The following SMARCB1 variants were observed in gnomAD, a reference collection of about 807,000 sequenced individuals.
SMARCB1 encodes SWI/SNF related BAF chromatin remodeling complex subunit B1.
A neutral mutation model predicts 49.0 loss-of-function variants in SMARCB1; 5 were observed. The observed-to-expected ratio is 0.10, with a 90% CI of 0.05 to 0.21. The LOEUF (loss-of-function observed/expected upper bound fraction) is 0.21. Ranked by LOEUF, SMARCB1 falls within the 10% of genes least tolerant of loss-of-function variation. The pLI is 1.00. For missense variants in SMARCB1, 226 were observed against 509.2 expected (o/e 0.44, Z 5.35); for synonymous variants, 201 against 200.1 (o/e 1.00, Z -0.04).
intron 1 of SMARCB1, among the ~76,000 whole-genome samples, chr22:23,789,593 A>G (rs558913305): frequency 6.6e-6 from 1 of 152,190 alleles, no homozygotes; most frequent in African/African-American, 2.4e-5. Flanking sequence ...CCCAAAACAC[A>G]TTTTAGTTTC....
rs948979653 is a variant in SMARCB1 at position 23,836,080 on chromosome 22, G to A, written c.*1900G>A. The stretch of plus-strand genomic sequence containing the variant: ...CTGCCAGGTCAGAAGAGAAAAATGA[G>A]CCACAGGGGTCGGATAAGGCTCACA... On this transcript the variant is annotated 3_prime_UTR_variant, in exon 9 of 9. Coordinates refer to ENST00000644036, the MANE Select transcript of SMARCB1 (RefSeq NM_003073.5). 3.5e-5 allele frequency: 34 copies of A among 985,480 alleles called. No individual in the cohort carries two copies. The highest frequency in any genetic ancestry group is 3.9e-5 in the Non-Finnish European group (32 of 829,946). The allele number at this position is 985,480 out of a possible 1,614,324, so 61.0% of individuals were successfully genotyped here. A position where few individuals can be genotyped will look rare whatever the true frequency, so the allele number is the denominator to read the frequency against.
chr22:23,835,726 T>C lies in SMARCB1; in HGVS notation c.*1546T>C. On this transcript the variant is annotated 3_prime_UTR_variant, in exon 9 of 9. Transcript: ENST00000644036. ...ATTGCTGAGGTGTTTGTTCTGTCCA[T>C]GAGGTAGGAACCTCGGCAATGAAAG... The C allele has an allele frequency of 1.0e-6, 1 of 985,508 alleles. No individual in the cohort carries two copies. The highest frequency in any genetic ancestry group is 1.2e-6 in the Non-Finnish European group (1 of 829,950). The allele number at this position is 985,508 out of a possible 1,614,324, so 61.0% of individuals were successfully genotyped here. A position where few individuals can be genotyped will look rare whatever the true frequency, so the allele number is the denominator to read the frequency against.
chr22:23,807,036 C>T (rs967169454), intron 5 of SMARCB1, among the ~76,000 whole-genome samples: 20 of 151,792 alleles, frequency 1.3e-4, no homozygotes, highest in African/African-American at 4.8e-4. Context: ...CTCTGAATCA[C>T]TGGTGATGTA....
chr22:23,824,524 G>C (rs574208272), intron 6 of SMARCB1: 1 of 153,658 alleles, frequency 6.5e-6, no homozygotes, highest in African/African-American at 2.4e-5. Flanking sequence ...CCCCAGGGGG[G>C]CAGGTGTAGG....
In SMARCB1 at chr22:23,835,867, C is replaced by G; in HGVS notation, c.*1687C>G. The G allele has an allele frequency of 1.0e-6, 1 of 976,534 alleles. No individual in the cohort carries two copies. The highest frequency in any genetic ancestry group is 1.2e-6 in the Non-Finnish European group (1 of 823,094). The allele number at this position is 976,534 out of a possible 1,614,324, so 60.5% of individuals were successfully genotyped here. Reference sequence around the variant, plus strand: ...AGGTGCCGGGAAGGCTGGGCCCTCACTCCTGACCGCCAGCTCACACCGCCG... The same window carrying G: ...AGGTGCCGGGAAGGCTGGGCCCTCAGTCCTGACCGCCAGCTCACACCGCCG... On this transcript the variant is annotated 3_prime_UTR_variant, in exon 9 of 9. Transcript: ENST00000644036.
intron 1 of SMARCB1, among the ~76,000 whole-genome samples, chr22:23,791,301 C>T (rs1928358344): frequency 6.6e-6 from 1 of 152,268 alleles, no homozygotes; most frequent in East Asian, 1.9e-4. Context: ...TGTTACTAAA[C>T]AAAGCAACAC....
chr22:23,787,366 G>GGCGC (rs55705149), intron 1 of SMARCB1, 104 bp downstream of exon 1: 140 of 483,144 alleles, frequency 2.9e-4, no homozygotes, highest in African/African-American at 1.9e-3. Context: ...GGGGCGGGCG[G>GGCGC]GCGCGCGCGC....
At chr22:23,791,045 C>T (rs1928345499) in intron 1 of SMARCB1, among the ~76,000 whole-genome samples, 1 of 152,158 alleles carries the variant, frequency 6.6e-6, no homozygotes, top group African/African-American at 2.4e-5. Flanking sequence ...CACCTGGCAC[C>T]CAGTCTATTG....
Position 23,822,461 on chromosome 22 carries a change from C to T in SMARCB1, c.796-2764C>T, listed in dbSNP as rs144444747. On this transcript the variant is annotated intron_variant, in intron 6 of 8. Coordinates refer to ENST00000644036, the MANE Select transcript of SMARCB1 (RefSeq NM_003073.5). ...GAGTCCAGCACTCCTCACTACCCCA[C>T]CAAGGCCACTGCCAGATGGCTCCCT... 7.6e-3 allele frequency among the ~76,000 whole-genome samples: 1,159 copies of T among 152,226 alleles called. 10 individuals are homozygous for T. Among genetic ancestry groups the T allele is most frequent in the Non-Finnish European group, 0.011 (752 of 68,020 alleles).
chr22:23,793,390 C>G (rs1293829570), intron 2 of SMARCB1, 169 bp from the exon 3 acceptor site: 1 of 765,438 alleles, frequency 1.3e-6, no homozygotes, highest in Non-Finnish European at 2.4e-6. Context: ...GTAAAGCACT[C>G]AGTCCAGATT....
At chr22:23,788,763 A>G (rs1196122147) in intron 1 of SMARCB1, among the ~76,000 whole-genome samples, 2 of 152,176 alleles carry the variant, frequency 1.3e-5, no homozygotes, top group Non-Finnish European at 2.9e-5. Context: ...TGAGCATAGC[A>G]TGAATGAATG....
chr22:23,800,595 G>A (rs1011322672), intron 3 of SMARCB1, among the ~76,000 whole-genome samples: 1 of 152,132 alleles, frequency 6.6e-6, no homozygotes, highest in Non-Finnish European at 1.5e-5. Flanking sequence ...CCCTGACTCA[G>A]TGTCTAAGGC....
Position 23,835,414 on chromosome 22 carries a change from C to T in SMARCB1, c.*1234C>T. On this transcript the variant is annotated 3_prime_UTR_variant, in exon 9 of 9. Transcript: ENST00000644036. ...GCCAGGGCAGGGCTAGGGTCAGAGG[C>T]TGCTGTGCTCCCTGGAAGTGGGGTA... is the stretch of plus-strand genomic sequence containing the variant. 1.7e-5 allele frequency: 17 copies of T among 987,374 alleles called. No individual in the cohort carries two copies. Among genetic ancestry groups the T allele is most frequent in the Non-Finnish European group, 2.0e-5 (17 of 831,342 alleles). The allele number at this position is 987,374 out of a possible 1,614,324, so 61.2% of individuals were successfully genotyped here.
intron 5 of SMARCB1, among the ~76,000 whole-genome samples, chr22:23,804,895 C>T (rs1262862401): frequency 6.6e-6 from 1 of 152,150 alleles, no homozygotes; most frequent in Non-Finnish European, 1.5e-5. Context: ...TGGGTCAAGG[C>T]GCCTTTGTTT....
chr22:23,837,304 G>C lies in SMARCB1; in HGVS notation c.*3124G>C. 9.4e-7 allele frequency: 1 copy of C among 1,060,074 alleles called. No individual in the cohort carries two copies. The highest frequency in any genetic ancestry group is 1.5e-5 in the South Asian group (1 of 67,870). The allele number at this position is 1,060,074 out of a possible 1,614,324, so 65.7% of individuals were successfully genotyped here. A position where few individuals can be genotyped will look rare whatever the true frequency, so the allele number is the denominator to read the frequency against. On this transcript the variant is annotated 3_prime_UTR_variant, in exon 9 of 9. Transcript: ENST00000644036. The stretch of plus-strand genomic sequence containing the variant: ...AAGCCTTGCACAGAGTGCCAGCCCC[G>C]GGTTGGCCGTGAAGGACAAGCTTAA...
At chr22:23,818,142 GTGTGT>G in intron 6 of SMARCB1, 1 of 4,296 alleles carries the variant, frequency 2.3e-4, no homozygotes, top group African/African-American at 9.3e-4. Flanking sequence ...CTTTGGGTGT[GTGTGT>G]GTGTGTGTGT....
At position 23,834,372 on chromosome 22, in the gene SMARCB1, A is replaced by ACC; in HGVS notation, c.*195_*196dup. On this transcript the variant is annotated 3_prime_UTR_variant, in exon 9 of 9. Transcript: ENST00000644036. ...TTGTTGAGCCCCAGTCCTGCCCCCC[A>ACC]CCCCACCCTCCCTACCCCTCCCCAG... 2.6e-6 allele frequency: 1 copy of ACC among 388,636 alleles called. No individual in the cohort carries two copies. The highest frequency in any genetic ancestry group is 2.5e-5 in the South Asian group (1 of 39,982). The allele number at this position is 388,636 out of a possible 1,614,324, so 24.1% of individuals were successfully genotyped here.
Position 23,837,578 on chromosome 22 carries a change from G to A in SMARCB1, c.*3398G>A. The A allele has an allele frequency of 7.0e-7, 1 of 1,430,304 alleles. No individual in the cohort carries two copies. The highest frequency in any genetic ancestry group is 9.5e-7 in the Non-Finnish European group (1 of 1,048,206). The allele number at this position is 1,430,304 out of a possible 1,614,324, so 88.6% of individuals were successfully genotyped here. ...GTGAGGAGAACTCCAGCAAGGATGGGAGAGGGGCCCCAGGGCATAAGCAGC... is the reference window on the plus strand; with the variant it reads ...GTGAGGAGAACTCCAGCAAGGATGGAAGAGGGGCCCCAGGGCATAAGCAGC... On this transcript the variant is annotated 3_prime_UTR_variant, in exon 9 of 9. Coordinates refer to ENST00000644036, the MANE Select transcript of SMARCB1 (RefSeq NM_003073.5).
intron 2 of SMARCB1, chr22:23,792,312 A>T (rs1202994185): frequency 2.9e-6 from 1 of 350,508 alleles, no homozygotes; most frequent in East Asian, 7.5e-5. Context: ...CCTGGAGCAC[A>T]TCCATCCCAT....
Sources: gnomAD v4.1 joint callset for allele counts (sites outside exome capture counted in the v4.1 genomes callset) on GRCh38, gnomAD v4.1.1 for gene constraint, MANE v1.5 for transcripts, NCBI Gene and HGNC (gene_info 2026-07-23, HGNC 2026-07-21) for gene names.